Variants in STX12 observed in about 807,000 individuals in gnomAD.
STX12 encodes syntaxin-12.
Under a neutral mutation model 42.2 loss-of-function variants are expected in STX12, and 17 were observed. The observed-to-expected ratio is 0.40, with a 90% CI of 0.28 to 0.60. The LOEUF (loss-of-function observed/expected upper bound fraction) is 0.60. Among genes scored for constraint, STX12 ranks in the 20% least tolerant of loss-of-function variants. The pLI is 0.39. For missense variants in STX12, 297 were observed against 330.9 expected (o/e 0.90, Z 0.79); for synonymous variants, 108 against 116.7 (o/e 0.93, Z 0.48).
intron 1 of STX12, among the ~76,000 whole-genome samples, chr1:27,782,430 T>C (rs191497257): frequency 6.6e-6 from 1 of 152,316 alleles, no homozygotes; most frequent in Admixed American, 6.5e-5. Flanking sequence ...GCTATGCTCT[T>C]AACCATTGCA....
intron 6 of STX12, among the ~76,000 whole-genome samples, chr1:27,812,909 C>A (rs913282276): frequency 1.3e-5 from 2 of 152,182 alleles, no homozygotes; most frequent in Non-Finnish European, 2.9e-5. Flanking sequence ...ACTTTGACCT[C>A]AAATCTCAAT....
At chr1:27,790,816 C>T (rs2088735235) in intron 2 of STX12, among the ~76,000 whole-genome samples, 1 of 152,022 alleles carries the variant, frequency 6.6e-6, no homozygotes, top group African/African-American at 2.4e-5. Context: ...TGGCAGGCAC[C>T]TGTAATCCCA....
At chr1:27,822,171 C>A in intron 8 of STX12, 60 bp from the exon 9 acceptor site, 1 of 1,019,078 alleles carries the variant, frequency 9.8e-7, no homozygotes, top group Non-Finnish European at 1.6e-6. Flanking sequence ...TTCTTAGAGT[C>A]TTACACATAC....
chr1:27,783,108 G>A (rs1401441168), intron 1 of STX12, among the ~76,000 whole-genome samples: 1 of 152,072 alleles, frequency 6.6e-6, no homozygotes, highest in Non-Finnish European at 1.5e-5. Context: ...ACTTTGATTT[G>A]ACTTTGCTTT....
intron 1 of STX12, among the ~76,000 whole-genome samples, chr1:27,783,841 A>G (rs1398615102): frequency 1.3e-5 from 2 of 152,106 alleles, no homozygotes; most frequent in Non-Finnish European, 2.9e-5. Context: ...TCATTAACCA[A>G]GTTAGCCAGA....
intron 4 of STX12, among the ~76,000 whole-genome samples, chr1:27,806,387 A>G (rs1302793671): frequency 6.6e-6 from 1 of 152,234 alleles, no homozygotes; most frequent in African/African-American, 2.4e-5. Context: ...AATAAGTAAA[A>G]ATGGTATTCC....
Position 27,792,917 on chromosome 1 carries a change from C to G in STX12, c.189-616C>G, listed in dbSNP as rs12044235. Among the ~76,000 whole-genome samples, 3,464 of 152,246 alleles carry G rather than the reference C, an allele frequency of 0.023. 190 individuals carry two copies. In the East Asian group the frequency reaches 0.25, roughly 11 times the overall value. On this transcript the variant is annotated intron_variant, in intron 2 of 8. Coordinates refer to ENST00000373943, the MANE Select transcript of STX12 (RefSeq NM_177424.3). Reference sequence around the variant, plus strand: ...TTTCCTCTTCAATTCCCCTTCCTCCCTACTCCTTTTGTATTTTTAACAGGT... The same window carrying G: ...TTTCCTCTTCAATTCCCCTTCCTCCGTACTCCTTTTGTATTTTTAACAGGT...
intron 5 of STX12, 92 bp downstream of exon 5, chr1:27,810,381 G>A (rs186053587): frequency 2.3e-6 from 3 of 1,278,930 alleles, no homozygotes; most frequent in East Asian, 5.1e-5. Context: ...AAAAATAGAG[G>A]GCAAAAATAA....
chr1:27,807,551 A>G (rs115342815), intron 4 of STX12, among the ~76,000 whole-genome samples: 201 of 152,376 alleles, frequency 1.3e-3, no homozygotes, highest in African/African-American at 4.7e-3. Flanking sequence ...AATTCTGTGA[A>G]CACTGGGAGT....
intron 4 of STX12, among the ~76,000 whole-genome samples, chr1:27,809,065 G>T (rs1351367849): frequency 1.3e-5 from 2 of 152,220 alleles, no homozygotes; most frequent in Non-Finnish European, 2.9e-5. Flanking sequence ...GCTGGGCGCT[G>T]TGGCTCACGC....
intron 4 of STX12, among the ~76,000 whole-genome samples, chr1:27,808,594 G>C (rs1046493718): frequency 6.6e-6 from 1 of 151,954 alleles, no homozygotes; most frequent in Non-Finnish European, 1.5e-5. Flanking sequence ...TGCCCACCTC[G>C]GCCTCTCAAA....
rs1217427564 is a variant in STX12, at chr1:27,822,633, G to A, written c.*304G>A. 1.2e-5 allele frequency: 3 copies of A among 258,070 alleles called. No individual in the cohort carries two copies. The East Asian group carries it at 2.3e-4, about 20-fold the overall frequency. The allele number at this position is 258,070 out of a possible 1,614,324, so 16.0% of individuals were successfully genotyped here. A position where few individuals can be genotyped will look rare whatever the true frequency, so the allele number is the denominator to read the frequency against. On this transcript the variant is annotated 3_prime_UTR_variant, in exon 9 of 9. Transcript: ENST00000373943. ...ATTCCATTCTAGATATTCTTGTTTT[G>A]ACAAATGACACTACAGTCTCGTAAT...
chr1:27,810,406 T>G (rs2088894808), intron 5 of STX12, 117 bp downstream of exon 5: 1 of 877,356 alleles, frequency 1.1e-6, no homozygotes, highest in African/African-American at 1.7e-5. Flanking sequence ...GCACCTGGAG[T>G]GGATAACATA....
chr1:27,783,847 C>A (rs1571517450), intron 1 of STX12, among the ~76,000 whole-genome samples: 1 of 152,020 alleles, frequency 6.6e-6, no homozygotes, highest in South Asian at 2.1e-4. Context: ...ACCAAGTTAG[C>A]CAGAAGATTC....
Position 27,801,564 on chromosome 1 carries a change from A to C in STX12, c.289-114A>C, listed in dbSNP as rs530424963. The C allele has an allele frequency of 2.3e-5, 26 of 1,123,662 alleles. No homozygotes were observed. The Admixed American group carries it at 8.9e-4, about 38-fold the overall frequency. The allele number at this position is 1,123,662 out of a possible 1,614,324, so 69.6% of individuals were successfully genotyped here. A position where few individuals can be genotyped will look rare whatever the true frequency, so the allele number is the denominator to read the frequency against. On this transcript the variant is annotated intron_variant, in intron 3 of 8. Transcript: ENST00000373943. ...TAATTTAAAGAAGAGACTATTTCAT[A>C]ATAATTTTCCTAGTTGGAAATCTTT...
rs1454912308 is a variant in STX12, at chr1:27,823,714, TAA to T, written c.*1386_*1387del. 1.3e-5 allele frequency: 2 copies of T among 152,808 alleles called. No homozygotes were observed. The highest frequency in any genetic ancestry group is 4.8e-5 in the African/African-American group (2 of 41,592). The allele number at this position is 152,808 out of a possible 1,614,324, so 9.5% of individuals were successfully genotyped here. A position where few individuals can be genotyped will look rare whatever the true frequency, so the allele number is the denominator to read the frequency against. On this transcript the variant is annotated 3_prime_UTR_variant, in exon 9 of 9. Transcript: ENST00000373943. ...GTAGGGAAGCAAGGGCCCAAATGCA[TAA>T]GTTTCTTTGCACTGTTGCACTTACT... is the stretch of plus-strand genomic sequence containing the variant.
intron 2 of STX12, 117 bp from the exon 3 acceptor site, chr1:27,793,416 A>G (rs2088762889): frequency 1.3e-6 from 1 of 798,886 alleles, no homozygotes; most frequent in East Asian, 2.7e-5. Flanking sequence ...CTAGGGACTC[A>G]TTTCTTCAAA....
At chr1:27,814,121 G>A (rs1435652229) in intron 6 of STX12, among the ~76,000 whole-genome samples, 2 of 152,136 alleles carry the variant, frequency 1.3e-5, no homozygotes, top group African/African-American at 4.8e-5. Context: ...GGCTGGTCTT[G>A]TCTGTTTTTA....
rs971492588 is a variant in STX12 at position 27,822,483 on chromosome 1, T to C, written c.*154T>C. The C allele has an allele frequency of 7.0e-6, 4 of 575,116 alleles. No homozygotes were observed. The African/African-American group carries it at 7.4e-5, about 11-fold the overall frequency. The allele number at this position is 575,116 out of a possible 1,614,324, so 35.6% of individuals were successfully genotyped here. A position where few individuals can be genotyped will look rare whatever the true frequency, so the allele number is the denominator to read the frequency against. ...ACTACTAACTAGTCTTTGGAATTCG[T>C]GACCTATGGAGACAGTAATTATCAA... is the stretch of plus-strand genomic sequence containing the variant. On this transcript the variant is annotated 3_prime_UTR_variant, in exon 9 of 9. Coordinates refer to ENST00000373943, the MANE Select transcript of STX12 (RefSeq NM_177424.3).
Sources: gnomAD v4.1 joint callset for allele counts (sites outside exome capture counted in the v4.1 genomes callset) on GRCh38, gnomAD v4.1.1 for gene constraint, MANE v1.5 for transcripts, NCBI Gene and HGNC (gene_info 2026-07-23, HGNC 2026-07-21) for gene names.